The following POLR3B variants were observed in gnomAD, a reference collection of about 807,000 sequenced individuals.
The protein encoded by POLR3B is RNA polymerase III subunit B, also known as DNA-directed RNA polymerase III subunit RPC2.
A neutral mutation model predicts 147.4 loss-of-function variants in POLR3B; 96 were observed. The observed-to-expected ratio is 0.65, with a 90% CI of 0.55 to 0.77. The LOEUF is 0.77. Among genes scored for constraint, POLR3B ranks in the 30% least tolerant of loss-of-function variants. POLR3B has a pLI of 0.00. For missense variants in POLR3B, 1,036 were observed against 1,413.5 expected (o/e 0.73, Z 4.28); for synonymous variants, 461 against 485.9 (o/e 0.95, Z 0.67).
rs778314251 is a variant in POLR3B at position 106,509,801 on chromosome 12, T to G, written c.*252T>G. 30 of 423,448 alleles carry G rather than the reference T, an allele frequency of 7.1e-5. No homozygotes were observed. Among genetic ancestry groups the G allele is most frequent in the Non-Finnish European group, 1.3e-4 (29 of 226,032 alleles). The allele number at this position is 423,448 out of a possible 1,614,324, so 26.2% of individuals were successfully genotyped here. ...AGGCTGCTTGATTCACAGATGGATGTGACCTAAAGGATAAATAAGCTATTA... is the reference window on the plus strand; with the variant it reads ...AGGCTGCTTGATTCACAGATGGATGGGACCTAAAGGATAAATAAGCTATTA... On this transcript the variant is annotated 3_prime_UTR_variant, in exon 28 of 28. Transcript: ENST00000228347.
chr12:106,470,385 A>G (rs1273789986), intron 23 of POLR3B, among the ~76,000 whole-genome samples: 1 of 152,098 alleles, frequency 6.6e-6, no homozygotes, highest in East Asian at 1.9e-4. Flanking sequence ...CTTCCTCGCA[A>G]TGGGTTAGAA....
chr12:106,456,125 A>T (rs544021899), intron 20 of POLR3B, among the ~76,000 whole-genome samples: 2 of 152,318 alleles, frequency 1.3e-5, no homozygotes, highest in Admixed American at 6.5e-5. Flanking sequence ...TAGTAAGAGA[A>T]TCCAGTTTAA....
chr12:106,365,790 C>T (rs1447103402), intron 2 of POLR3B, among the ~76,000 whole-genome samples: 7 of 151,224 alleles, frequency 4.6e-5, no homozygotes, highest in Admixed American at 4.6e-4. Flanking sequence ...TGCAGGGAGG[C>T]GGACGTTGCA....
At chr12:106,401,762 A>C (rs2037070655) in intron 10 of POLR3B, among the ~76,000 whole-genome samples, 1 of 152,080 alleles carries the variant, frequency 6.6e-6, no homozygotes, top group African/African-American at 2.4e-5. Flanking sequence ...AAATTCAACA[A>C]CCTTCATGCT....
rs1479620132 is a variant in POLR3B at position 106,433,885 on chromosome 12, G to A, written c.1781+13G>A. ...GAAGGCTATGCAGGTATATATGCAG[G>A]TTACTAAAAAGAGTTTTTAAGAATC... On this transcript the variant is annotated intron_variant, in intron 16 of 27. Coordinates refer to ENST00000228347, the MANE Select transcript of POLR3B (RefSeq NM_018082.6). 2 of 1,606,654 alleles carry A rather than the reference G, an allele frequency of 1.2e-6. No homozygotes were observed. The highest frequency in any genetic ancestry group is 1.7e-6 in the Non-Finnish European group (2 of 1,173,988).
Position 106,433,842 on chromosome 12 carries a change from A to G in POLR3B, c.1751A>G (p.Tyr584Cys), listed in dbSNP as rs753393949. ...ISTNLTDRCV[Y>C]ISSDGGRLCR... is the part of the protein sequence containing the mutation. ...ACAAATCTTACAGATCGATGTGTCT[A>G]TATTTCTTCTGATGGGGGAAGGCTA... The change falls in exon 16 of 28, where the codon TAT becomes TGT. Residue 584 changes from tyrosine to cysteine, a missense_variant. Tyr to Cys is a radical substitution (Grantham distance 194, BLOSUM62 -2). Around this residue, in one of 12 missense-constraint regions of POLR3B, gnomAD observed 177 missense variants for 232.7 expected, o/e 0.76. Transcript: ENST00000228347. 2.4e-5 allele frequency: 39 copies of G among 1,613,600 alleles called. No homozygotes were observed. The highest frequency in any genetic ancestry group is 3.1e-5 in the Non-Finnish European group (37 of 1,179,702).
At chr12:106,458,269 C>T (rs1245309274) in intron 21 of POLR3B, among the ~76,000 whole-genome samples, 2 of 151,982 alleles carry the variant, frequency 1.3e-5, no homozygotes, top group Non-Finnish European at 1.5e-5. Flanking sequence ...CCCATAGGCA[C>T]GTGCCACCAT....
intron 23 of POLR3B, among the ~76,000 whole-genome samples, chr12:106,492,430 T>TGTG (rs1166152973): frequency 1.3e-5 from 2 of 151,488 alleles, no homozygotes; most frequent in Non-Finnish European, 2.9e-5. Flanking sequence ...CGCAGCTGGA[T>TGTG]GTGGTAGTCC....
In POLR3B at chr12:106,509,628, C is replaced by G; in HGVS notation, c.*79C>G. On this transcript the variant is annotated 3_prime_UTR_variant, in exon 28 of 28. Transcript: ENST00000228347. ...AAGCAGAAGGGATTTAGGACTACGTCTCCTCCTGTGAAGAATTCCCTTGCG... is the reference window on the plus strand; with the variant it reads ...AAGCAGAAGGGATTTAGGACTACGTGTCCTCCTGTGAAGAATTCCCTTGCG... 7.7e-7 allele frequency: 1 copy of G among 1,298,956 alleles called. No individual in the cohort carries two copies. The highest frequency in any genetic ancestry group is 1.1e-6 in the Non-Finnish European group (1 of 909,202). 80.5% of individuals were successfully genotyped at this position (1,298,956 alleles called of 1,614,324 possible). A position where few individuals can be genotyped will look rare whatever the true frequency, so the allele number is the denominator to read the frequency against.
intron 8 of POLR3B, among the ~76,000 whole-genome samples, chr12:106,379,309 A>C (rs1294756218): frequency 6.6e-6 from 1 of 152,206 alleles, no homozygotes; most frequent in East Asian, 1.9e-4. Context: ...TTTGAATTTG[A>C]ATCCTAAAGC....
intron 11 of POLR3B, among the ~76,000 whole-genome samples, chr12:106,407,386 A>G (rs1045403278): frequency 6.6e-6 from 1 of 152,182 alleles, no homozygotes; most frequent in Admixed American, 6.5e-5. Context: ...TCGGAGATAT[A>G]ATATACGTAA....
intron 19 of POLR3B, among the ~76,000 whole-genome samples, chr12:106,449,791 A>G (rs2037773810): frequency 6.6e-6 from 1 of 152,154 alleles, no homozygotes; most frequent in African/African-American, 2.4e-5. Flanking sequence ...CGCAGTTCAA[A>G]TCCATGTTCA....
In POLR3B at chr12:106,461,731, T is replaced by C. The variant is rs138297480; in HGVS notation, c.2571-1747T>C. ...TAGCATTTGACACCACTGACCTCTC[T>C]CTTCCCTTGATGTTGTGACACTGCT... On this transcript the variant is annotated intron_variant, in intron 22 of 27. Coordinates refer to ENST00000228347, the MANE Select transcript of POLR3B (RefSeq NM_018082.6). Among the ~76,000 whole-genome samples the C allele has an allele frequency of 4.5e-4, 69 of 152,288 alleles. No homozygotes were observed. The East Asian group carries it at 0.013, about 29-fold the overall frequency.
chr12:106,370,923 C>T (rs933674587), intron 6 of POLR3B, among the ~76,000 whole-genome samples: 96 of 152,228 alleles, frequency 6.3e-4, no homozygotes, highest in Middle Eastern at 3.4e-3. Context: ...TGAGCCACCG[C>T]GCCTGGCCTA....
chr12:106,468,336 C>G (rs1355275569), intron 23 of POLR3B, among the ~76,000 whole-genome samples: 3 of 152,068 alleles, frequency 2.0e-5, no homozygotes, highest in African/African-American at 7.2e-5. Flanking sequence ...TTTGATTCTT[C>G]TCTCTTTTCT....
chr12:106,368,529 A>G (rs559445094), intron 4 of POLR3B, among the ~76,000 whole-genome samples: 1 of 152,282 alleles, frequency 6.6e-6, no homozygotes, highest in Non-Finnish European at 1.5e-5. Context: ...CATTATCTGC[A>G]AAATTTAAAA....
intron 23 of POLR3B, among the ~76,000 whole-genome samples, chr12:106,478,012 C>G (rs2038206497): frequency 7.2e-6 from 1 of 139,616 alleles, no homozygotes; most frequent in African/African-American, 2.6e-5. Context: ...TCAAGCAATT[C>G]TTCTGCCTCA....
intron 9 of POLR3B, among the ~76,000 whole-genome samples, chr12:106,390,536 CTT>C (rs2036900850): frequency 6.6e-6 from 1 of 151,226 alleles, no homozygotes; most frequent in African/African-American, 2.4e-5. Context: ...GGATTGCTAT[CTT>C]TTAATCCATG....
intron 25 of POLR3B, among the ~76,000 whole-genome samples, chr12:106,498,218 G>A (rs1484571652): frequency 2.0e-5 from 3 of 152,208 alleles, no homozygotes; most frequent in Non-Finnish European, 4.4e-5. Flanking sequence ...GAAAAGTTAT[G>A]TTTGACACTT....
Sources: gnomAD v4.1 joint callset for allele counts (sites outside exome capture counted in the v4.1 genomes callset) on GRCh38, gnomAD v4.1.1 for gene constraint, gnomAD v4.1.1 regional missense constraint, MANE v1.5 for transcripts, NCBI Gene and HGNC (gene_info 2026-07-23, HGNC 2026-07-21) for gene names.